The following ITPR1 variants were observed in gnomAD, a reference collection of about 807,000 sequenced individuals.
ITPR1 encodes inositol 1,4,5-trisphosphate receptor type 1.
In ITPR1, 96 loss-of-function variants were observed where a neutral mutation model predicts 318.4. The ratio of observed to expected loss-of-function variants is 0.30; its 90% CI spans 0.26 to 0.36. The LOEUF is 0.36. ITPR1 is among the 10% of genes least tolerant of loss of function. The probability of loss-of-function intolerance (pLI) is 1.00; values close to 1 mark genes in which losing one functional copy is unlikely to be tolerated. For synonymous variants in ITPR1, 1,312 were observed against 1,289.9 expected (o/e 1.02, Z -0.37); for missense variants, 2,440 against 3,460.2 (o/e 0.71, Z 7.40).
intron 34 of ITPR1, among the ~76,000 whole-genome samples, chr3:4,697,972 A>G (rs994666162): frequency 2.0e-5 from 3 of 152,116 alleles, no homozygotes; most frequent in Non-Finnish European, 4.4e-5. Flanking sequence ...TGCAATCTGA[A>G]CTTGAGGATT....
At chr3:4,685,006 T>C (rs2094366609) in intron 29 of ITPR1, 63 bp from the exon 30 acceptor site, 2 of 1,545,802 alleles carry the variant, frequency 1.3e-6, no homozygotes, top group Non-Finnish European at 1.8e-6. Context: ...GCCACCACCC[T>C]CTGCAATCTT....
chr3:4,836,735 C>CTTTTTTTTT, intron 60 of ITPR1, 39 bp from the exon 61 acceptor site: 6 of 1,069,820 alleles, frequency 5.6e-6, no homozygotes, highest in Non-Finnish European at 7.0e-6. Flanking sequence ...GTGACTCAGT[C>CTTTTTTTTT]TTTTTTTTTT....
chr3:4,762,825 A>G (rs375058062), intron 44 of ITPR1, among the ~76,000 whole-genome samples: 1 of 152,196 alleles, frequency 6.6e-6, no homozygotes, highest in East Asian at 1.9e-4. Context: ...TGACCCAGCA[A>G]TCCCATTGCT....
At chr3:4,552,458 A>C (rs2085663660) in intron 4 of ITPR1, among the ~76,000 whole-genome samples, 1 of 152,174 alleles carries the variant, frequency 6.6e-6, no homozygotes, top group South Asian at 2.1e-4. Flanking sequence ...TTTATTATAA[A>C]GGATATTACA....
At position 4,661,963 on chromosome 3, in the gene ITPR1, A is replaced by G. The variant is rs2093843883; in HGVS notation, c.1252-119A>G. 7.6e-6 allele frequency: 6 copies of G among 791,480 alleles called. No individual in the cohort carries two copies. In the South Asian group the frequency reaches 1.4e-4, roughly 19 times the overall value. 49.0% of individuals were successfully genotyped at this position (791,480 alleles called of 1,614,324 possible). ...GTAGATTTTTTTCCTATATCATTTT[A>G]ACTGCAAGATAGCTCTAGTATCTTG... On this transcript the variant is annotated intron_variant, in intron 14 of 61. Transcript: ENST00000649015.
intron 36 of ITPR1, among the ~76,000 whole-genome samples, chr3:4,705,721 A>G (rs1214552977): frequency 6.6e-6 from 1 of 152,210 alleles, no homozygotes; most frequent in East Asian, 1.9e-4. Flanking sequence ...TGCCATTGTG[A>G]ATGCTACCTT....
chr3:4,703,683 A>G (rs1260501688), intron 36 of ITPR1, among the ~76,000 whole-genome samples: 2 of 152,176 alleles, frequency 1.3e-5, no homozygotes, highest in African/African-American at 2.4e-5. Flanking sequence ...GCTGTCCAGC[A>G]ACTGTCAATT....
Position 4,711,500 on chromosome 3 carries a change from A to G in ITPR1, c.4992-257A>G, listed in dbSNP as rs145068048. 4.0e-4 allele frequency: 160 copies of G among 395,542 alleles called. 2 individuals carry two copies. In the East Asian group the frequency reaches 6.3e-3, roughly 16 times the overall value. 24.5% of individuals were successfully genotyped at this position (395,542 alleles called of 1,614,324 possible). A position where few individuals can be genotyped will look rare whatever the true frequency, so the allele number is the denominator to read the frequency against. On this transcript the variant is annotated intron_variant, in intron 38 of 61. Coordinates refer to ENST00000649015, the MANE Select transcript of ITPR1 (RefSeq NM_001378452.1). The stretch of plus-strand genomic sequence containing the variant: ...GACCTCTGTCTCGGTTCTCCTCTCC[A>G]TATAATCTCTCCATTGTATGTGGCT...
At chr3:4,549,823 C>T (rs1259546865) in intron 4 of ITPR1, among the ~76,000 whole-genome samples, 8 of 152,158 alleles carry the variant, frequency 5.3e-5, no homozygotes. Flanking sequence ...TCTGCATATT[C>T]TCCCATGGAG....
chr3:4,721,172 GTATATATA>G (rs5846332), intron 40 of ITPR1, among the ~76,000 whole-genome samples: 11,632 of 124,890 alleles, frequency 0.093, 939 homozygotes, highest in African/African-American at 0.17. Flanking sequence ...GTGTGTGCGT[GTATATATA>G]TATATATATA....
chr3:4,708,141 A>C (rs898859640), intron 37 of ITPR1, among the ~76,000 whole-genome samples: 1 of 152,224 alleles, frequency 6.6e-6, no homozygotes. Flanking sequence ...GAGAAGGAAC[A>C]GCAGGACTTA....
At position 4,813,197 on chromosome 3, in the gene ITPR1, G is replaced by T; in HGVS notation, c.7524G>T (p.Glu2508Asp). 1 of 1,613,788 alleles carries T rather than the reference G, an allele frequency of 6.2e-7. No homozygotes were observed. Residue 2508 changes from glutamate (E) to aspartate (D), a missense_variant, in exon 57 of 62, where the codon GAG (glutamate) becomes GAT (aspartate). Glu to Asp is a conservative substitution (Grantham distance 45). Around this residue, in one of 23 missense-constraint regions of ITPR1, gnomAD observed 88 missense variants for 90.5 expected, o/e 0.97. Coordinates refer to ENST00000649015, the MANE Select transcript of ITPR1 (RefSeq NM_001378452.1). ...TGTTCTCCGATGTGTGTAGGGTGGA[G>T]AGTGGGGAGAACTGCTCCTCTCCTG... The part of the protein sequence containing the change: ...EFLFSDVCRV[E>D]SGENCSSPAP...
At chr3:4,789,441 A>C (rs1015084131) in intron 52 of ITPR1, among the ~76,000 whole-genome samples, 9 of 152,336 alleles carry the variant, frequency 5.9e-5, no homozygotes, top group Admixed American at 5.9e-4. Flanking sequence ...ATAAGAGGGA[A>C]AAAGATACCC....
At chr3:4,574,438 C>G (rs572910173) in intron 4 of ITPR1, among the ~76,000 whole-genome samples, 1 of 152,106 alleles carries the variant, frequency 6.6e-6, no homozygotes, top group Admixed American at 6.5e-5. Flanking sequence ...GGGAGATGGT[C>G]GGTTGACAAG....
At chr3:4,676,320 A>C (rs959913886) in intron 23 of ITPR1, among the ~76,000 whole-genome samples, 2 of 152,056 alleles carry the variant, frequency 1.3e-5, no homozygotes, top group African/African-American at 4.8e-5. Context: ...ACTCCAGCCT[A>C]GGTGATAGAG....
chr3:4,685,047 C>T, intron 29 of ITPR1, 22 bp from the exon 30 acceptor site: 1 of 1,602,570 alleles, frequency 6.2e-7, no homozygotes, highest in Non-Finnish European at 8.5e-7. Context: ...TTTTCTGAGA[C>T]TGATTTCTTT....
At chr3:4,730,461 G>A (rs73807141) in intron 42 of ITPR1, among the ~76,000 whole-genome samples, 24,736 of 150,110 alleles carry the variant, frequency 0.16, 2,166 homozygotes, top group South Asian at 0.19. Context: ...TCTCTTATGG[G>A]GGAAAATGTA....
chr3:4,837,742 C>T (rs994150443), intron 61 of ITPR1, among the ~76,000 whole-genome samples: 2 of 152,156 alleles, frequency 1.3e-5, no homozygotes, highest in African/African-American at 4.8e-5. Context: ...ATGCCACAGT[C>T]ACCAGGTGGT....
intron 44 of ITPR1, among the ~76,000 whole-genome samples, chr3:4,755,100 A>T (rs4685814): frequency 0.43 from 65,542 of 151,768 alleles, 16,282 homozygotes; most frequent in Non-Finnish European, 0.57. Context: ...TACTGTTGAA[A>T]ATTGCTGGAA....
Sources: gnomAD v4.1 joint callset for allele counts (sites outside exome capture counted in the v4.1 genomes callset) on GRCh38, gnomAD v4.1.1 for gene constraint, gnomAD v4.1.1 regional missense constraint, MANE v1.5 for transcripts, NCBI Gene and HGNC (gene_info 2026-07-23, HGNC 2026-07-21) for gene names.